OSGEPL1: variants seen among roughly 807,000 people sequenced by gnomAD.
OSGEPL1 encodes tRNA N6-adenosine threonylcarbamoyltransferase, mitochondrial.
Under a neutral mutation model 37.2 loss-of-function variants are expected in OSGEPL1, and 26 were observed. That is an observed-to-expected ratio of 0.70 (90% CI 0.51 to 0.97). OSGEPL1 has a LOEUF of 0.97. Among genes scored for constraint, OSGEPL1 ranks in the 50% least tolerant of loss-of-function variants. The pLI is 0.00. For missense variants in OSGEPL1, 404 were observed against 487.0 expected (o/e 0.83, Z 1.60); for synonymous variants, 140 against 159.9 (o/e 0.88, Z 0.94).
intron 3 of OSGEPL1, 181 bp from the exon 4 acceptor site, chr2:189,754,526 A>G (rs1298139704): frequency 3.5e-6 from 2 of 576,972 alleles, no homozygotes; most frequent in African/African-American, 1.9e-5. Flanking sequence ...CCTGTTCCTT[A>G]TGATGACCCG....
At chr2:189,760,783 C>CT (rs2046931817) in intron 2 of OSGEPL1, among the ~76,000 whole-genome samples, 1 of 151,376 alleles carries the variant, frequency 6.6e-6, no homozygotes, top group Non-Finnish European at 1.5e-5. Flanking sequence ...GAGTGAGACT[C>CT]TGTCTCACCA....
intron 3 of OSGEPL1, 89 bp downstream of exon 3, chr2:189,755,084 T>C: frequency 6.9e-7 from 1 of 1,452,028 alleles, no homozygotes; most frequent in Non-Finnish European, 9.3e-7. Context: ...TTCAGAAATA[T>C]TTAGGTGAAT....
At chr2:189,757,498 T>A (rs190074358) in intron 2 of OSGEPL1, among the ~76,000 whole-genome samples, 1 of 152,384 alleles carries the variant, frequency 6.6e-6, no homozygotes, top group Admixed American at 6.5e-5. Flanking sequence ...TCAAGAAGAA[T>A]GCCCTAAAAG....
In OSGEPL1 at chr2:189,761,578, TTCA is replaced by T; in HGVS notation, c.60_62del (p.Tyr20_Glu21delinsTer). 6.2e-7 allele frequency: 1 copy of T among 1,610,612 alleles called. No homozygotes were observed. The highest frequency in any genetic ancestry group is 1.7e-5 in the Admixed American group (1 of 59,584). On this transcript the variant is annotated stop_gained and inframe_deletion, in exon 2 of 9. Coordinates refer to ENST00000264151, the MANE Select transcript of OSGEPL1 (RefSeq NM_022353.3). LOFTEE classifies it high-confidence loss of function. Reference sequence around the variant, plus strand: ...GATGAAAATTAAAACTTCTTAAAAATTCATAAACTTTCCTTTTTGATGGTTTAA... The same window carrying T: ...GATGAAAATTAAAACTTCTTAAAAATTAAACTTTCCTTTTTGATGGTTTAA...
At chr2:189,758,026 G>T (rs1344091597) in intron 2 of OSGEPL1, among the ~76,000 whole-genome samples, 1 of 152,140 alleles carries the variant, frequency 6.6e-6, no homozygotes, top group Non-Finnish European at 1.5e-5. Flanking sequence ...CTACATCATG[G>T]GGGCGTATTT....
chr2:189,747,601 A>C (rs1898560), intron 8 of OSGEPL1, among the ~76,000 whole-genome samples: 38,639 of 152,110 alleles, frequency 0.25, 5,547 homozygotes, highest in African/African-American at 0.39. Context: ...GTCTTTGCTC[A>C]AATAGCAATG....
At chr2:189,754,470 C>T (rs2045765572) in intron 3 of OSGEPL1, 125 bp from the exon 4 acceptor site, 1 of 905,728 alleles carries the variant, frequency 1.1e-6, no homozygotes, top group African/African-American at 1.7e-5. Flanking sequence ...ACATGCTATA[C>T]TTTGGCAAAT....
rs1574844018 is a variant in OSGEPL1, at chr2:189,750,750, T to C, written c.1167-94A>G. On this transcript the variant is annotated intron_variant, in intron 7 of 8. Coordinates refer to ENST00000264151, the MANE Select transcript of OSGEPL1 (RefSeq NM_022353.3). ...TTGCTTAGAATTCTGATGGTATAAATATCAAATATTTAATTCATCATATGT... is the reference window on the plus strand; with the variant it reads ...TTGCTTAGAATTCTGATGGTATAAACATCAAATATTTAATTCATCATATGT... 5.8e-6 allele frequency: 5 copies of C among 856,388 alleles called. No homozygotes were observed. The East Asian group carries it at 1.5e-4, about 25-fold the overall frequency. The allele number at this position is 856,388 out of a possible 1,614,324, so 53.0% of individuals were successfully genotyped here.
chr2:189,755,902 TGCTG>T, intron 2 of OSGEPL1, among the ~76,000 whole-genome samples: 1 of 152,340 alleles, frequency 6.6e-6, no homozygotes, highest in African/African-American at 2.4e-5. Flanking sequence ...TTAATTTCCT[TGCTG>T]ACAGAAGATT....
chr2:189,759,870 A>G (rs1173258412), intron 2 of OSGEPL1, among the ~76,000 whole-genome samples: 1 of 152,094 alleles, frequency 6.6e-6, no homozygotes, highest in African/African-American at 2.4e-5. Context: ...CATGTGAACA[A>G]AGGTCTCTGG....
chr2:189,758,854 A>C (rs939931956), intron 2 of OSGEPL1, among the ~76,000 whole-genome samples: 2 of 152,276 alleles, frequency 1.3e-5, no homozygotes, highest in Non-Finnish European at 1.5e-5. Context: ...ATGATGATAC[A>C]GAATAAATAG....
chr2:189,752,612 G>A, intron 7 of OSGEPL1, 41 bp downstream of exon 7: 1 of 1,598,144 alleles, frequency 6.3e-7, no homozygotes, highest in South Asian at 1.1e-5. Flanking sequence ...TTTGTCTTAA[G>A]TAATGTAACT....
chr2:189,759,651 C>T (rs2046679711), intron 2 of OSGEPL1, among the ~76,000 whole-genome samples: 3 of 152,340 alleles, frequency 2.0e-5, no homozygotes, highest in South Asian at 4.1e-4. Context: ...GATTCAAATA[C>T]AGGACTGTGA....
Position 189,762,705 on chromosome 2 carries a change from G to GCTAGCA in OSGEPL1, c.-47_-42dup. 1.0e-6 allele frequency: 1 copy of GCTAGCA among 985,396 alleles called. No homozygotes were observed. Among genetic ancestry groups the GCTAGCA allele is most frequent in the Non-Finnish European group, 1.2e-6 (1 of 829,958 alleles). The allele number at this position is 985,396 out of a possible 1,614,324, so 61.0% of individuals were successfully genotyped here. ...CCCACCTTCCACTTGGGCGGCAGTA[G>GCTAGCA]CTAGCACTTGTCTCCTTTCCCTACT... On this transcript the variant is annotated 5_prime_UTR_variant, in exon 1 of 9. Coordinates refer to ENST00000264151, the MANE Select transcript of OSGEPL1 (RefSeq NM_022353.3).
chr2:189,762,514 G>T, intron 1 of OSGEPL1, 171 bp downstream of exon 1: 1 of 843,984 alleles, frequency 1.2e-6, no homozygotes, highest in Non-Finnish European at 1.4e-6. Context: ...GGACAAGGAG[G>T]ATTGTACGAA....
At chr2:189,756,373 C>A (rs149553243) in intron 2 of OSGEPL1, among the ~76,000 whole-genome samples, 14 of 152,022 alleles carry the variant, frequency 9.2e-5, no homozygotes, top group African/African-American at 2.7e-4. Context: ...AGAACTGGAG[C>A]AATAAAATAG....
chr2:189,755,258 C>T lies in OSGEPL1; in HGVS notation c.524G>A (p.Cys175Tyr), dbSNP rs2045925901. The change falls in exon 3 of 9, where the codon TGT (cysteine) becomes TAT (tyrosine). Residue 175 changes from cysteine (C) to tyrosine (Y), a missense_variant. Physicochemically the swap from Cys to Tyr is radical, Grantham distance 194 (BLOSUM62 -2). Coordinates refer to ENST00000264151, the MANE Select transcript of OSGEPL1 (RefSeq NM_022353.3). ...FLVLLISGGH[C>Y]LLALVQGVSD... Reference sequence around the variant, plus strand: ...AACTCCTTGAACTAATGCCAACAGACAGTGACCTCCAGAAATCAAAAGAAC... The same window carrying T: ...AACTCCTTGAACTAATGCCAACAGATAGTGACCTCCAGAAATCAAAAGAAC... 21 of 1,613,420 alleles carry T rather than the reference C, an allele frequency of 1.3e-5. No homozygotes were observed. In the East Asian group the frequency reaches 4.7e-4, roughly 36 times the overall value.
At chr2:189,754,527 T>C in intron 3 of OSGEPL1, 182 bp from the exon 4 acceptor site, 1 of 576,566 alleles carries the variant, frequency 1.7e-6, no homozygotes. Flanking sequence ...CTGTTCCTTA[T>C]GATGACCCGA....
chr2:189,760,625 T>C (rs997883260), intron 2 of OSGEPL1, among the ~76,000 whole-genome samples: 5 of 152,030 alleles, frequency 3.3e-5, no homozygotes, highest in Admixed American at 6.6e-5. Flanking sequence ...ACCCCGTCTC[T>C]ACTAAAATGC....
Sources: allele counts gnomAD v4.1 joint callset (sites outside exome capture counted in the v4.1 genomes callset), GRCh38; gene constraint gnomAD v4.1.1; transcripts MANE v1.5; gene names NCBI Gene and HGNC (gene_info 2026-07-23, HGNC 2026-07-21).